Variants in DIP2B observed in about 807,000 individuals in gnomAD.
DIP2B encodes disco-interacting protein 2 homolog B.
In DIP2B, 76 loss-of-function variants were observed where a neutral mutation model predicts 198.0. That is an observed-to-expected ratio of 0.38 (90% CI 0.32 to 0.46). DIP2B has a LOEUF of 0.46. Among genes scored for constraint, DIP2B ranks in the 20% least tolerant of loss-of-function variants. The pLI, the probability that DIP2B is intolerant of heterozygous loss-of-function variation, is 0.99. For missense variants in DIP2B, 1,559 were observed against 1,978.4 expected, an observed-to-expected ratio of 0.79 and a Z score of 4.02; for synonymous variants, 701 against 739.1, an observed-to-expected ratio of 0.95 and a Z score of 0.84.
intron 1 of DIP2B, among the ~76,000 whole-genome samples, chr12:50,563,114 G>T (rs141500380): frequency 2.2e-3 from 337 of 152,282 alleles, no homozygotes; most frequent in Non-Finnish European, 2.5e-3. Context: ...ATTTGTTTGA[G>T]TCATTTGGGA....
chr12:50,736,440 C>T (rs953223505), intron 34 of DIP2B, among the ~76,000 whole-genome samples: 2 of 152,204 alleles, frequency 1.3e-5, no homozygotes, highest in Non-Finnish European at 2.9e-5. Flanking sequence ...ATATGGGTAA[C>T]CAGAGAGGCC....
At chr12:50,535,634 G>C (rs1958257501) in intron 1 of DIP2B, among the ~76,000 whole-genome samples, 1 of 151,904 alleles carries the variant, frequency 6.6e-6, no homozygotes, top group East Asian at 1.9e-4. Context: ...GTCTCCCAAA[G>C]TGCTCGGATT....
At chr12:50,600,894 T>TCACCACCACCACCAC (rs34616785) in intron 1 of DIP2B, among the ~76,000 whole-genome samples, 32 of 121,498 alleles carry the variant, frequency 2.6e-4, no homozygotes, top group South Asian at 9.1e-4. Flanking sequence ...ATGACCACCA[T>TCACCACCACCACCAC]CACCACCACC....
At chr12:50,632,197 T>C (rs1339452012) in intron 2 of DIP2B, among the ~76,000 whole-genome samples, 1 of 152,008 alleles carries the variant, frequency 6.6e-6, no homozygotes, top group Non-Finnish European at 1.5e-5. Context: ...TAAAGTTTAG[T>C]AGAGTTGGAC....
chr12:50,547,743 A>G (rs1032144922), intron 1 of DIP2B, among the ~76,000 whole-genome samples: 1 of 152,220 alleles, frequency 6.6e-6, no homozygotes, highest in Non-Finnish European at 1.5e-5. Flanking sequence ...AGGCTGTGAC[A>G]CTATGTATAG....
chr12:50,732,511 G>A lies in DIP2B; in HGVS notation c.3956G>A (p.Arg1319Lys), dbSNP rs1940061882. 3 of 1,614,106 alleles carry A rather than the reference G, an allele frequency of 1.9e-6. No homozygotes were observed. The highest frequency in any genetic ancestry group is 2.7e-5 in the African/African-American group (2 of 74,944). The change falls in exon 32 of 38, where the codon AGA (arginine) becomes AAA (lysine). Residue 1319 changes from arginine (R) to lysine (K), a missense_variant. Arg to Lys is a conservative substitution (Grantham distance 26). Coordinates refer to ENST00000301180, the MANE Select transcript of DIP2B (RefSeq NM_173602.3). ...PRAVSTTFGSRVNVAICLQGT... is the reference protein window; with the variant it reads ...PRAVSTTFGSKVNVAICLQGT... ...GCTGTCAGCACCACTTTTGGATCAAGAGTCAATGTAGCAATATGTTTACAG... is the reference window on the plus strand; with the variant it reads ...GCTGTCAGCACCACTTTTGGATCAAAAGTCAATGTAGCAATATGTTTACAG...
intron 28 of DIP2B, among the ~76,000 whole-genome samples, chr12:50,726,247 G>A (rs1939931240): frequency 6.6e-6 from 1 of 152,220 alleles, no homozygotes; most frequent in Non-Finnish European, 1.5e-5. Flanking sequence ...GCTGGAGCCA[G>A]AGGAAATCTT....
chr12:50,529,452 A>G (rs1958196697), intron 1 of DIP2B, among the ~76,000 whole-genome samples: 1 of 152,190 alleles, frequency 6.6e-6, no homozygotes, highest in Admixed American at 6.6e-5. Context: ...TGGTGGGCTG[A>G]CAGATGAGGG....
intron 2 of DIP2B, among the ~76,000 whole-genome samples, chr12:50,640,241 G>A (rs757651306): frequency 5.9e-5 from 9 of 152,124 alleles, no homozygotes; most frequent in Non-Finnish European, 1.2e-4. Flanking sequence ...GGGAGAGTAT[G>A]GGGACAGGGT....
intron 22 of DIP2B, among the ~76,000 whole-genome samples, chr12:50,711,388 CA>C (rs1306953649): frequency 1.3e-5 from 2 of 152,144 alleles, no homozygotes; most frequent in Non-Finnish European, 2.9e-5. Context: ...ATGAGGAATT[CA>C]GGCTACATGT....
At chr12:50,581,821 G>T (rs1246073064) in intron 1 of DIP2B, among the ~76,000 whole-genome samples, 1 of 152,202 alleles carries the variant, frequency 6.6e-6, no homozygotes, top group Non-Finnish European at 1.5e-5. Flanking sequence ...GAGCTCATTT[G>T]TTGCAGCAGT....
chr12:50,505,889 C>T (rs986959821), intron 1 of DIP2B, among the ~76,000 whole-genome samples: 1 of 151,214 alleles, frequency 6.6e-6, no homozygotes, highest in Non-Finnish European at 1.5e-5. Context: ...GCCTGTTATT[C>T]GGGCCGAATT....
At chr12:50,692,109 C>T (rs865938468) in intron 13 of DIP2B, among the ~76,000 whole-genome samples, 2 of 151,840 alleles carry the variant, frequency 1.3e-5, no homozygotes, top group South Asian at 4.2e-4. Flanking sequence ...ATGGCTGGGA[C>T]ATTAAAATTT....
At chr12:50,663,462 A>G (rs2139514920) in intron 4 of DIP2B, among the ~76,000 whole-genome samples, 1 of 151,758 alleles carries the variant, frequency 6.6e-6, no homozygotes, top group Admixed American at 6.6e-5. Context: ...AGGCTGAGGC[A>G]GGAGAATGGC....
intron 2 of DIP2B, among the ~76,000 whole-genome samples, chr12:50,628,019 G>A (rs1937969499): frequency 6.6e-6 from 1 of 152,218 alleles, no homozygotes; most frequent in Non-Finnish European, 1.5e-5. Flanking sequence ...GGATAGGGCA[G>A]TGAGAGCAGT....
At chr12:50,526,366 A>G (rs1338418000) in intron 1 of DIP2B, among the ~76,000 whole-genome samples, 1 of 152,114 alleles carries the variant, frequency 6.6e-6, no homozygotes, top group Non-Finnish European at 1.5e-5. Flanking sequence ...TCCTCACTAT[A>G]TACCCTCTGA....
rs1285773707 is a variant in DIP2B at position 50,747,322 on chromosome 12, T to C, written c.*2483T>C. On this transcript the variant is annotated 3_prime_UTR_variant, in exon 38 of 38. Transcript: ENST00000301180. ...CTCCCATTTACTTAGAGGCTGATTATCTAGTTTTGTAGTTCCTCAGGCCTC... is the reference window on the plus strand; with the variant it reads ...CTCCCATTTACTTAGAGGCTGATTACCTAGTTTTGTAGTTCCTCAGGCCTC... 1 of 152,238 alleles carries C rather than the reference T, an allele frequency of 6.6e-6. No homozygotes were observed. The highest frequency in any genetic ancestry group is 2.4e-5 in the African/African-American group (1 of 41,442). 9.4% of individuals were successfully genotyped at this position (152,238 alleles called of 1,614,324 possible).
At chr12:50,614,261 T>A (rs1045156801) in intron 1 of DIP2B, among the ~76,000 whole-genome samples, 1 of 152,190 alleles carries the variant, frequency 6.6e-6, no homozygotes, top group Non-Finnish European at 1.5e-5. Context: ...TGTGCACTCA[T>A]CTTCTCCTCT....
intron 26 of DIP2B, 119 bp from the exon 27 acceptor site, chr12:50,723,083 T>G (rs1939870948): frequency 8.1e-7 from 1 of 1,234,158 alleles, no homozygotes; most frequent in Admixed American, 2.4e-5. Context: ...CTTTGTTAAA[T>G]TATGGTCTAC....
Sources: allele counts gnomAD v4.1 joint callset (sites outside exome capture counted in the v4.1 genomes callset), GRCh38; gene constraint gnomAD v4.1.1; transcripts MANE v1.5; gene names NCBI Gene and HGNC (gene_info 2026-07-23, HGNC 2026-07-21).